Variants in SYNE2 observed in about 807,000 individuals in gnomAD.
SYNE2 encodes nesprin-2.
In SYNE2, 431 loss-of-function variants were observed where a neutral mutation model predicts 856.3. The observed-to-expected ratio is 0.50, with a 90% CI of 0.47 to 0.55. The LOEUF is 0.55. SYNE2 is among the 20% of genes least tolerant of loss of function. The pLI is 0.00. For missense variants in SYNE2, 8,129 were observed against 8,023.2 expected (o/e 1.01, Z -0.50); for synonymous variants, 2,923 against 2,872.3 (o/e 1.02, Z -0.56).
chr14:64,163,660 G>A (rs1371753922), intron 89 of SYNE2, 79 bp downstream of exon 89: 79 of 1,549,872 alleles, frequency 5.1e-5, no homozygotes, highest in Non-Finnish European at 6.6e-5. Flanking sequence ...CTTTGAAGCA[G>A]TAGTGCTTTA....
At chr14:63,779,045 C>T (rs763364170) in intron 1 of SYNE2, among the ~76,000 whole-genome samples, 6 of 152,092 alleles carry the variant, frequency 3.9e-5, no homozygotes, top group Non-Finnish European at 5.9e-5. Flanking sequence ...ACAGGCCAGA[C>T]GCAGTGGCTC....
chr14:64,220,676 C>T, intron 111 of SYNE2, 39 bp downstream of exon 111: 1 of 1,608,064 alleles, frequency 6.2e-7, no homozygotes, highest in Non-Finnish European at 8.5e-7. Flanking sequence ...GAGCCGGTAC[C>T]CAGGCCCACG....
Position 64,130,266 on chromosome 14 carries a change from G to A in SYNE2, c.14340+18G>A. ...ATCACAAGGTGAGACAGACACATGG[G>A]TCGGGTGACCCCTTCATAGACTAAA... On this transcript the variant is annotated intron_variant, in intron 76 of 115. Transcript: ENST00000555002. The A allele has an allele frequency of 6.2e-7, 1 of 1,602,212 alleles. No homozygotes were observed. Among genetic ancestry groups the A allele is most frequent in the Non-Finnish European group, 8.5e-7 (1 of 1,172,448 alleles).
At chr14:63,788,711 C>G (rs1887630797) in intron 1 of SYNE2, among the ~76,000 whole-genome samples, 1 of 152,242 alleles carries the variant, frequency 6.6e-6, no homozygotes, top group South Asian at 2.1e-4. Flanking sequence ...CCAGCCGCAC[C>G]TCCCCACTGC....
chr14:64,016,393 A>G (rs186270184), intron 32 of SYNE2, 80 bp from the exon 33 acceptor site: 10 of 951,968 alleles, frequency 1.1e-5, no homozygotes, highest in Non-Finnish European at 1.6e-5. Context: ...TTTAAGCTCA[A>G]TATCCAACAA....
chr14:64,119,325 C>T (rs1215965491), intron 66 of SYNE2, 102 bp from the exon 67 acceptor site: 1 of 1,452,480 alleles, frequency 6.9e-7, no homozygotes, highest in African/African-American at 1.4e-5. Flanking sequence ...TCTGGGACTT[C>T]TTGTATACAC....
intron 2 of SYNE2, among the ~76,000 whole-genome samples, chr14:63,940,339 A>T (rs985730224): frequency 1.3e-5 from 2 of 152,128 alleles, no homozygotes; most frequent in Admixed American, 6.6e-5. Flanking sequence ...ACAGGTGTGA[A>T]CCACAGCACC....
intron 1 of SYNE2, among the ~76,000 whole-genome samples, chr14:63,817,857 C>T (rs563950280): frequency 1.6e-4 from 24 of 151,218 alleles, no homozygotes; most frequent in Admixed American, 1.2e-3. Context: ...GACCCTGTCT[C>T]TAGAAACAAA....
intron 92 of SYNE2, 45 bp downstream of exon 92, chr14:64,167,684 A>T (rs1458170773): frequency 1.9e-6 from 3 of 1,613,460 alleles, no homozygotes; most frequent in Non-Finnish European, 2.5e-6. Flanking sequence ...CATCTGGGGC[A>T]GGAGTCAGGG....
intron 78 of SYNE2, 106 bp from the exon 79 acceptor site, chr14:64,137,681 T>C: frequency 1.7e-6 from 2 of 1,151,652 alleles, no homozygotes; most frequent in South Asian, 1.3e-5. Flanking sequence ...AAAGTGTTAC[T>C]GTTTTATCAG....
intron 1 of SYNE2, among the ~76,000 whole-genome samples, chr14:63,843,994 C>T (rs1221859414): frequency 6.6e-6 from 1 of 152,156 alleles, no homozygotes; most frequent in East Asian, 1.9e-4. Context: ...GCATCCGGCA[C>T]CAGAGTTTAC....
At chr14:64,076,674 A>C (rs894744078) in intron 54 of SYNE2, among the ~76,000 whole-genome samples, 33 of 151,918 alleles carry the variant, frequency 2.2e-4, no homozygotes, top group African/African-American at 7.5e-4. Flanking sequence ...TATTTTGATT[A>C]GATTGTAGAA....
upstream of SYNE2, among the ~76,000 whole-genome samples, chr14:63,851,863 AC>A (rs375495174): frequency 2.1e-3 from 317 of 150,510 alleles, 1 homozygote; most frequent in African/African-American, 7.0e-3. Flanking sequence ...TGGGAGGATC[AC>A]TTGAGGCCAG....
chr14:64,011,334 C>A (rs1002545407), intron 32 of SYNE2, among the ~76,000 whole-genome samples: 1 of 152,308 alleles, frequency 6.6e-6, no homozygotes, highest in East Asian at 1.9e-4. Flanking sequence ...TGTAACCTGT[C>A]TGGTTCCCTC....
At position 64,142,127 on chromosome 14, in the gene SYNE2, C is replaced by G. The variant is rs1260614158; in HGVS notation, c.15306+39C>G. ...AGGAGCAGAAGTCTTTTCATTGAAA[C>G]AAGAAGGCTAATCAGAGGGGTAATG... On this transcript the variant is annotated intron_variant, in intron 82 of 115. Coordinates refer to ENST00000555002, the MANE Select transcript of SYNE2 (RefSeq NM_182914.3). 4.3e-6 allele frequency: 7 copies of G among 1,611,816 alleles called. No individual in the cohort carries two copies. In the East Asian group the frequency reaches 8.9e-5, roughly 21 times the overall value.
intron 32 of SYNE2, among the ~76,000 whole-genome samples, chr14:64,011,888 T>C (rs1350831722): frequency 6.6e-6 from 1 of 152,206 alleles, no homozygotes; most frequent in Non-Finnish European, 1.5e-5. Context: ...AATCGGAATC[T>C]AGGCCCAGGT....
chr14:63,938,390 C>A (rs2153412116), intron 2 of SYNE2, among the ~76,000 whole-genome samples: 1 of 152,242 alleles, frequency 6.6e-6, no homozygotes, highest in South Asian at 2.1e-4. Flanking sequence ...CATGATCACA[C>A]CCCTGCACTC....
intron 1 of SYNE2, among the ~76,000 whole-genome samples, chr14:63,861,292 G>A (rs1008530770): frequency 1.3e-5 from 2 of 151,536 alleles, no homozygotes; most frequent in Non-Finnish European, 2.9e-5. Flanking sequence ...TTACAGGTGC[G>A]CACCACCACG....
At chr14:63,979,161 G>A (rs2096566805) in intron 14 of SYNE2, 147 bp downstream of exon 14, 2 of 784,572 alleles carry the variant, frequency 2.5e-6, no homozygotes, top group Admixed American at 2.2e-5. Flanking sequence ...ATTGCATGGA[G>A]AAAAGAATTA....
Sources: allele counts gnomAD v4.1 joint callset (sites outside exome capture counted in the v4.1 genomes callset), GRCh38; gene constraint gnomAD v4.1.1; transcripts MANE v1.5; gene names NCBI Gene and HGNC (gene_info 2026-07-23, HGNC 2026-07-21).